TRIM60: variants seen among roughly 807,000 people sequenced by gnomAD.
TRIM60 encodes the protein tripartite motif-containing protein 60.
For missense variants in TRIM60, 524 were observed against 540.8 expected (o/e 0.97, Z 0.31); for synonymous variants, 189 against 195.2 (o/e 0.97, Z 0.27).
rs963921699 is a variant in TRIM60 at position 165,041,564 on chromosome 4, T to C, written c.*76T>C. The C allele has an allele frequency of 9.0e-7, 1 of 1,113,152 alleles. No homozygotes were observed. The highest frequency in any genetic ancestry group is 1.6e-5 in the African/African-American group (1 of 63,792). 69.0% of individuals were successfully genotyped at this position (1,113,152 alleles called of 1,614,324 possible). Reference sequence around the variant, plus strand: ...AATTTAATCTCATTTCTGGACTCTTTAAGTTTTACCACTGAAAACCAGAGT... The same window carrying C: ...AATTTAATCTCATTTCTGGACTCTTCAAGTTTTACCACTGAAAACCAGAGT... On this transcript the variant is annotated 3_prime_UTR_variant, in exon 3 of 3. Coordinates refer to ENST00000512596, the MANE Select transcript of TRIM60 (RefSeq NM_152620.3).
At chr4:165,037,609 C>T (rs1274368194) in intron 1 of TRIM60, among the ~76,000 whole-genome samples, 1 of 152,094 alleles carries the variant, frequency 6.6e-6, no homozygotes, top group Admixed American at 6.5e-5. Context: ...AGGCATGAGC[C>T]ACCACCTCCT....
chr4:165,038,200 G>T (rs533882043), intron 1 of TRIM60, among the ~76,000 whole-genome samples: 2 of 152,264 alleles, frequency 1.3e-5, no homozygotes, highest in East Asian at 3.9e-4. Flanking sequence ...TCCTAAGAAT[G>T]AGGACATTTT....
At chr4:165,036,816 G>A (rs1039524631) in intron 1 of TRIM60, among the ~76,000 whole-genome samples, 3 of 151,664 alleles carry the variant, frequency 2.0e-5, no homozygotes, top group Admixed American at 6.6e-5. Context: ...GGGAGGCAGA[G>A]GTTGCAGTGA....
rs1361741995 is a variant in TRIM60, at chr4:165,040,931, G to C, written c.859G>C (p.Asp287His). 6.2e-7 allele frequency: 1 copy of C among 1,613,720 alleles called. No individual in the cohort carries two copies. The highest frequency in any genetic ancestry group is 2.2e-5 in the East Asian group (1 of 44,874). Residue 287 changes from aspartate to histidine, a missense_variant, in exon 3 of 3, where the codon GAC (aspartate) becomes CAC (histidine). Physicochemically the swap from Asp to His is moderately conservative, Grantham distance 81 (BLOSUM62 -1). Coordinates refer to ENST00000512596, the MANE Select transcript of TRIM60 (RefSeq NM_152620.3). ...FSLPPQYSGL[D>H]RIIKPFQVDV... ...TCTTCCTCCTCAATATTCTGGCTTG[G>C]ACAGAATTATCAAGCCATTTCAAGT... is the stretch of plus-strand genomic sequence containing the variant.
In TRIM60 at chr4:165,041,412, C is replaced by A; in HGVS notation, c.1340C>A (p.Ala447Asp). Residue 447 changes from alanine to aspartate, a missense_variant, in exon 3 of 3, where the codon GCC becomes GAC. Transcript: ENST00000512596. ...ACTTTTAACGATTGTTTCACAGAAG[C>A]CGTTTGGCCTTATTTCTATACTGGA... ...LYTFNDCFTEAVWPYFYTGTD... is the reference protein window; with the variant it reads ...LYTFNDCFTEDVWPYFYTGTD... 1 of 1,612,282 alleles carries A rather than the reference C, an allele frequency of 6.2e-7. No individual in the cohort carries two copies. Among genetic ancestry groups the A allele is most frequent in the Non-Finnish European group, 8.5e-7 (1 of 1,178,974 alleles).
chr4:165,037,111 G>C (rs1487722886), intron 1 of TRIM60, among the ~76,000 whole-genome samples: 4 of 151,628 alleles, frequency 2.6e-5, no homozygotes, highest in Non-Finnish European at 2.9e-5. Flanking sequence ...TGAGTCAGGA[G>C]AATCGCTTGA....
At chr4:165,037,980 G>A (rs531775875) in intron 1 of TRIM60, among the ~76,000 whole-genome samples, 1 of 150,602 alleles carries the variant, frequency 6.6e-6, no homozygotes, top group Admixed American at 6.6e-5. Flanking sequence ...CACCAGCTAA[G>A]GCCAAAAGAC....
At position 165,041,463 on chromosome 4, in the gene TRIM60, GCT is replaced by G; in HGVS notation, c.1393_1394del (p.Val466IlefsTer4). On this transcript the variant is annotated frameshift_variant, in exon 3 of 3. Coordinates refer to ENST00000512596, the MANE Select transcript of TRIM60 (RefSeq NM_152620.3). LOFTEE classifies it low-confidence loss of function (END_TRUNC). Reference sequence around the variant, plus strand: ...ACAGATTCCGAACCTCTTAAAATCTGCTCAGTATCAGATTCTGAAAGATAAGG... The same window carrying G: ...ACAGATTCCGAACCTCTTAAAATCTGCAGTATCAGATTCTGAAAGATAAGG... The G allele has an allele frequency of 6.4e-7, 1 of 1,574,612 alleles. No individual in the cohort carries two copies. The highest frequency in any genetic ancestry group is 2.2e-5 in the East Asian group (1 of 44,536).
intron 1 of TRIM60, among the ~76,000 whole-genome samples, chr4:165,037,816 A>G (rs1350112944): frequency 6.6e-6 from 1 of 152,114 alleles, no homozygotes; most frequent in Non-Finnish European, 1.5e-5. Flanking sequence ...ATCTTTTGTA[A>G]CATTGACATT....
chr4:165,034,380 C>T (rs1733572404), intron 1 of TRIM60, among the ~76,000 whole-genome samples: 1 of 152,106 alleles, frequency 6.6e-6, no homozygotes, highest in African/African-American at 2.4e-5. Flanking sequence ...TCTCGAACTC[C>T]AGACCTCATG....
At position 165,037,936 on chromosome 4, in the gene TRIM60, G is replaced by A. The variant is rs988953507; in HGVS notation, c.-56-1265G>A. Among the ~76,000 whole-genome samples, 28 of 152,142 alleles carry A rather than the reference G, an allele frequency of 1.8e-4. 1 individual carries two copies. Among genetic ancestry groups the A allele is most frequent in the South Asian group, 1.7e-3 (8 of 4,810 alleles). ...TTTCTACTACCTCCCTATGAATAAG[G>A]TAGACTAAGTACCTACTTCCAGTCT... On this transcript the variant is annotated intron_variant, in intron 1 of 2. Transcript: ENST00000512596.
intron 1 of TRIM60, among the ~76,000 whole-genome samples, chr4:165,038,224 G>A (rs1283341221): frequency 1.3e-5 from 2 of 152,038 alleles, no homozygotes; most frequent in African/African-American, 2.4e-5. Context: ...TTGCAGCTAT[G>A]GTGCAGTTAG....
At chr4:165,037,320 T>TTTTTGTTTTG (rs112920483) in intron 1 of TRIM60, among the ~76,000 whole-genome samples, 4 of 151,790 alleles carry the variant, frequency 2.6e-5, no homozygotes, top group African/African-American at 9.7e-5. Context: ...CATTATACTT[T>TTTTTGTTTTG]TTTTGTTTTG....
At position 165,040,756 on chromosome 4, in the gene TRIM60, C is replaced by T; in HGVS notation, c.684C>T (p.Ser228=). The T allele has an allele frequency of 2.5e-6, 4 of 1,613,950 alleles. No homozygotes were observed. The highest frequency in any genetic ancestry group is 1.1e-5 in the South Asian group (1 of 91,046). Residue 228 remains serine (S), a synonymous_variant, in exon 3 of 3, where the codon TCC becomes TCT. Coordinates refer to ENST00000512596, the MANE Select transcript of TRIM60 (RefSeq NM_152620.3). The stretch of plus-strand genomic sequence containing the variant: ...TTGTAGAACTTTCAGATTATGTTTC[C>T]ACATTAAAACATCTACTGAGGGAGG... ...ENLVELSDYV[S]TLKHLLREVE... is the part of the protein sequence containing the mutation.
Position 165,041,378 on chromosome 4 carries a change from A to G in TRIM60, c.1306A>G (p.Ile436Val). The change falls in exon 3 of 3, where the codon ATT (isoleucine) becomes GTT (valine). Residue 436 changes from isoleucine to valine, a missense_variant. Coordinates refer to ENST00000512596, the MANE Select transcript of TRIM60 (RefSeq NM_152620.3). ...CTTTTATAATATGAATGATAGGTCT[A>G]TTCTCTATACTTTTAACGATTGTTT... ...LSFYNMNDRS[I>V]LYTFNDCFTE... The G allele has an allele frequency of 1.2e-6, 2 of 1,613,976 alleles. No homozygotes were observed. The highest frequency in any genetic ancestry group is 2.2e-5 in the South Asian group (2 of 91,076).
At chr4:165,037,576 G>A (rs1467545139) in intron 1 of TRIM60, among the ~76,000 whole-genome samples, 1 of 151,984 alleles carries the variant, frequency 6.6e-6, no homozygotes, top group African/African-American at 2.4e-5. Flanking sequence ...GCCTGCCTTG[G>A]CCTCACAAAT....
At chr4:165,033,780 G>A (rs531111931) in intron 1 of TRIM60, among the ~76,000 whole-genome samples, 1 of 152,338 alleles carries the variant, frequency 6.6e-6, no homozygotes, top group Admixed American at 6.5e-5. Context: ...GGGAACTGGG[G>A]AATGAAGGTA....
chr4:165,034,568 C>G (rs140995780), intron 1 of TRIM60, among the ~76,000 whole-genome samples: 1 of 152,248 alleles, frequency 6.6e-6, no homozygotes, highest in African/African-American at 2.4e-5. Context: ...ACTTCCTTTT[C>G]AAATTTACTC....
Position 165,040,822 on chromosome 4 carries a change from A to G in TRIM60, c.750A>G (p.Thr250=), listed in dbSNP as rs760452738. 1.4e-5 allele frequency: 23 copies of G among 1,614,074 alleles called. No homozygotes were observed. The highest frequency in any genetic ancestry group is 2.2e-5 in the East Asian group (1 of 44,892). ...TGCAGTCAAACCTGGAATTACTGAC[A>G]CAAGCTAAGAGTATGCACCACAAGT... is the stretch of plus-strand genomic sequence containing the variant. ...KSVQSNLELL[T]QAKSMHHKYQ... The change falls in exon 3 of 3, where the codon ACA becomes ACG. Residue 250 remains threonine (T), a synonymous_variant. Coordinates refer to ENST00000512596, the MANE Select transcript of TRIM60 (RefSeq NM_152620.3).
Sources: allele counts gnomAD v4.1 joint callset (sites outside exome capture counted in the v4.1 genomes callset), GRCh38; gene constraint gnomAD v4.1.1; transcripts MANE v1.5; gene names NCBI Gene and HGNC (gene_info 2026-07-23, HGNC 2026-07-21).